NOX3: variants seen among roughly 807,000 people sequenced by gnomAD.
NOX3 encodes the protein NADPH oxidase catalytic subunit-like 3.
In NOX3, 74 loss-of-function variants were observed where a neutral mutation model predicts 76.7. The observed-to-expected ratio is 0.96, with a 90% CI of 0.80 to 1.17. NOX3 has a LOEUF of 1.17. Among genes scored for constraint, NOX3 ranks in the 50% most tolerant of loss-of-function variants. The pLI, the probability that NOX3 is intolerant of heterozygous loss-of-function variation, is 0.00. For synonymous variants in NOX3, 263 were observed against 261.1 expected (o/e 1.01, Z -0.07); for missense variants, 695 against 703.3 (o/e 0.99, Z 0.13).
intron 12 of NOX3, among the ~76,000 whole-genome samples, chr6:155,403,527 C>T (rs183272548): frequency 7.3e-4 from 111 of 152,226 alleles, no homozygotes; most frequent in Non-Finnish European, 1.1e-3. Flanking sequence ...TTGGGGGCCT[C>T]GTCTACTCTG....
intron 10 of NOX3, among the ~76,000 whole-genome samples, chr6:155,416,744 C>CTTTTTTTTTTTTTTTTTTTTTTTT (rs534711414): frequency 5.4e-5 from 5 of 92,532 alleles, no homozygotes; most frequent in African/African-American, 1.7e-4. Flanking sequence ...CTGAAACATT[C>CTTTTTTTTTTTTTTTTTTTTTTTT]TTTTTTTTTT....
intron 10 of NOX3, among the ~76,000 whole-genome samples, chr6:155,412,104 C>G (rs1465873842): frequency 6.6e-6 from 1 of 152,126 alleles, no homozygotes; most frequent in African/African-American, 2.4e-5. Context: ...GGAGATAAAT[C>G]TATTAATTCT....
rs779966344 is a variant in NOX3, at chr6:155,443,352, T to C, written c.407A>G (p.Gln136Arg). The change falls in exon 5 of 14, where the codon CAG becomes CGG. Residue 136 changes from glutamine (Q) to arginine (R), a missense_variant. Physicochemically the swap from Gln to Arg is conservative, Grantham distance 43. Transcript: ENST00000159060. ...RYHWSQSEEA[Q>R]GLLAALSKLG... ...CTTGGAAAGTGCGGCCAGAAGTCCCTGGGCCTCCTCGGACTGGCTCCAGTG... is the reference window on the plus strand; with the variant it reads ...CTTGGAAAGTGCGGCCAGAAGTCCCCGGGCCTCCTCGGACTGGCTCCAGTG... 13 of 1,613,978 alleles carry C rather than the reference T, an allele frequency of 8.1e-6. No homozygotes were observed. The East Asian group carries it at 2.9e-4, about 36-fold the overall frequency.
At chr6:155,434,230 G>A (rs759107488) in intron 7 of NOX3, among the ~76,000 whole-genome samples, 1 of 152,170 alleles carries the variant, frequency 6.6e-6, no homozygotes, top group Non-Finnish European at 1.5e-5. Flanking sequence ...CTCCATCAGG[G>A]CTTTCTCCTT....
intron 10 of NOX3, among the ~76,000 whole-genome samples, chr6:155,412,106 A>G (rs1776559207): frequency 6.6e-6 from 1 of 152,164 alleles, no homozygotes; most frequent in Non-Finnish European, 1.5e-5. Context: ...AGATAAATCT[A>G]TTAATTCTCC....
At chr6:155,421,605 C>T (rs959029238) in intron 10 of NOX3, among the ~76,000 whole-genome samples, 28 of 152,154 alleles carry the variant, frequency 1.8e-4, no homozygotes, top group African/African-American at 5.8e-4. Flanking sequence ...GCTCTGTTGC[C>T]CAGGCTGGAG....
chr6:155,448,926 A>G (rs1777099603), intron 4 of NOX3, among the ~76,000 whole-genome samples: 1 of 152,136 alleles, frequency 6.6e-6, no homozygotes, highest in Non-Finnish European at 1.5e-5. Flanking sequence ...GCAAACTTTT[A>G]AACCTGTGGT....
chr6:155,401,351 T>C (rs1053617919), intron 12 of NOX3, among the ~76,000 whole-genome samples: 1 of 152,240 alleles, frequency 6.6e-6, no homozygotes, highest in African/African-American at 2.4e-5. Context: ...CATGAAGCTG[T>C]AACTTATCAT....
At chr6:155,444,298 A>G (rs1416291929) in intron 4 of NOX3, among the ~76,000 whole-genome samples, 1 of 152,222 alleles carries the variant, frequency 6.6e-6, no homozygotes, top group Non-Finnish European at 1.5e-5. Context: ...GCATGATGAA[A>G]TCTCATGCCA....
At chr6:155,447,003 AT>A (rs1276436535) in intron 4 of NOX3, among the ~76,000 whole-genome samples, 2 of 151,290 alleles carry the variant, frequency 1.3e-5, no homozygotes, top group African/African-American at 4.9e-5. Context: ...CGTTTTTTAT[AT>A]TTTATAACTT....
intron 9 of NOX3, among the ~76,000 whole-genome samples, chr6:155,423,653 G>A (rs1776719327): frequency 6.6e-6 from 1 of 151,668 alleles, no homozygotes; most frequent in Non-Finnish European, 1.5e-5. Context: ...TAAATACACA[G>A]TACTCCCTAC....
In NOX3 at chr6:155,396,900, C is replaced by T; in HGVS notation, c.1643G>A (p.Cys548Tyr). ...KALSRTLQKMCHLYSSADPRG... is the reference protein window; with the variant it reads ...KALSRTLQKMYHLYSSADPRG... ...GGGGTCAGCTGATGAATACAAGTGG[C>T]ACATCTTTTGAAGTGTCCTCGAGAG... The change falls in exon 13 of 14, where the codon TGC becomes TAC. Residue 548 changes from cysteine to tyrosine, a missense_variant. Transcript: ENST00000159060. 6.2e-7 allele frequency: 1 copy of T among 1,613,414 alleles called. No individual in the cohort carries two copies. The highest frequency in any genetic ancestry group is 8.5e-7 in the Non-Finnish European group (1 of 1,179,538).
chr6:155,417,717 T>C (rs902570213), intron 10 of NOX3, among the ~76,000 whole-genome samples: 4 of 152,212 alleles, frequency 2.6e-5, no homozygotes, highest in Non-Finnish European at 4.4e-5. Flanking sequence ...ACAGATTAAA[T>C]TAAATGCATT....
At chr6:155,396,520 T>C (rs1250566622) in intron 13 of NOX3, among the ~76,000 whole-genome samples, 2 of 152,124 alleles carry the variant, frequency 1.3e-5, no homozygotes, top group Non-Finnish European at 2.9e-5. Context: ...GCCCCCTGAG[T>C]GTGTGGATGG....
chr6:155,453,384 A>C lies in NOX3; in HGVS notation c.340+20T>G. ...GCATCAGATATTGTAAAATCCATTGAGCAATTAATAAGTACTTACTTGCAT... is the reference window on the plus strand; with the variant it reads ...GCATCAGATATTGTAAAATCCATTGCGCAATTAATAAGTACTTACTTGCAT... On this transcript the variant is annotated intron_variant, in intron 4 of 13. Transcript: ENST00000159060. The C allele has an allele frequency of 6.5e-7, 1 of 1,543,102 alleles. No homozygotes were observed.
chr6:155,418,443 T>C (rs1029100620), intron 10 of NOX3, among the ~76,000 whole-genome samples: 2 of 152,196 alleles, frequency 1.3e-5, no homozygotes, highest in East Asian at 3.8e-4. Flanking sequence ...GAAGTTTGGC[T>C]CTTACTTCTG....
At chr6:155,419,180 A>T (rs1004276195) in intron 10 of NOX3, among the ~76,000 whole-genome samples, 1 of 152,250 alleles carries the variant, frequency 6.6e-6, no homozygotes, top group Non-Finnish European at 1.5e-5. Context: ...CATAAGCCTA[A>T]TAGTAGCTAT....
intron 4 of NOX3, among the ~76,000 whole-genome samples, chr6:155,446,812 T>G (rs960169896): frequency 6.6e-6 from 1 of 152,134 alleles, no homozygotes; most frequent in African/African-American, 2.4e-5. Context: ...TTCTGCCCCT[T>G]GACCCTTACT....
At chr6:155,398,709 G>A (rs1779173083) in intron 12 of NOX3, among the ~76,000 whole-genome samples, 1 of 152,166 alleles carries the variant, frequency 6.6e-6, no homozygotes, top group South Asian at 2.1e-4. Context: ...AGGTGTTTAT[G>A]GAAATAAAAG....
Sources: gnomAD v4.1 joint callset for allele counts (sites outside exome capture counted in the v4.1 genomes callset) on GRCh38, gnomAD v4.1.1 for gene constraint, MANE v1.5 for transcripts, NCBI Gene and HGNC (gene_info 2026-07-23, HGNC 2026-07-21) for gene names.